PPHLN1: variants seen among roughly 807,000 people sequenced by gnomAD.
The protein encoded by PPHLN1 is periphilin 1.
PPHLN1 carries 29 observed loss-of-function variants against 51.3 expected under a neutral mutation model. The observed-to-expected ratio is 0.57, with a 90% CI of 0.42 to 0.77. The LOEUF (loss-of-function observed/expected upper bound fraction) is 0.77. PPHLN1 is among the 30% of genes least tolerant of loss of function. PPHLN1 has a pLI of 0.00. For missense variants in PPHLN1, 436 were observed against 438.4 expected (o/e 0.99, Z 0.05); for synonymous variants, 147 against 147.8 (o/e 0.99, Z 0.04).
chr12:42,446,335 T>G (rs1478659061), downstream of PPHLN1: 1 of 1,528,250 alleles, frequency 6.5e-7, no homozygotes, highest in East Asian at 2.3e-5. Flanking sequence ...TACCCGTACC[T>G]ACTATACCCT....
intron 3 of PPHLN1, among the ~76,000 whole-genome samples, chr12:42,353,864 G>T (rs1176882720): frequency 3.3e-5 from 5 of 152,068 alleles, no homozygotes; most frequent in African/African-American, 1.2e-4. Flanking sequence ...TTCAATGGCA[G>T]TTTTTTCTAA....
intron 9 of PPHLN1, among the ~76,000 whole-genome samples, chr12:42,408,130 T>C (rs1030011106): frequency 5.3e-5 from 8 of 152,224 alleles, no homozygotes; most frequent in Non-Finnish European, 1.2e-4. Context: ...TTTTCTATTT[T>C]GGGCGGGCTT....
intron 2 of PPHLN1, among the ~76,000 whole-genome samples, chr12:42,338,340 T>C (rs2070998168): frequency 1.3e-5 from 2 of 152,210 alleles, no homozygotes; most frequent in Admixed American, 1.3e-4. Context: ...ACTTTGGGAC[T>C]GGGGAAAGCA....
intron 2 of PPHLN1, among the ~76,000 whole-genome samples, chr12:42,339,894 GA>G (rs1280144553): frequency 2.6e-5 from 4 of 152,100 alleles, no homozygotes; most frequent in Non-Finnish European, 5.9e-5. Flanking sequence ...AAAGTTAGTT[GA>G]AAAAAGTAAT....
intron 1 of PPHLN1, among the ~76,000 whole-genome samples, chr12:42,327,027 G>A (rs1432810993): frequency 6.6e-6 from 1 of 152,180 alleles, no homozygotes; most frequent in African/African-American, 2.4e-5. Context: ...CTCCGTGGCC[G>A]ACAGGAGACC....
At chr12:42,373,298 G>A (rs1301845134) in intron 4 of PPHLN1, among the ~76,000 whole-genome samples, 1 of 146,610 alleles carries the variant, frequency 6.8e-6, no homozygotes, top group Non-Finnish European at 1.5e-5. Context: ...GACTAAACTA[G>A]TGCTAGAATT....
chr12:42,448,376 T>G (rs1258865976), downstream of PPHLN1: 1 of 137,134 alleles, frequency 7.3e-6, no homozygotes, highest in Non-Finnish European at 1.6e-5. Context: ...TTTTTTTTTT[T>G]GCCTCTTAAA....
chr12:42,377,051 A>G lies in PPHLN1; in HGVS notation c.511+1977A>G, dbSNP rs147590466. 8.2e-3 allele frequency among the ~76,000 whole-genome samples: 1,245 copies of G among 152,136 alleles called. 13 individuals carry two copies. Among genetic ancestry groups the G allele is most frequent in the African/African-American group, 0.028 (1,155 of 41,514 alleles). On this transcript the variant is annotated intron_variant, in intron 5 of 9. Transcript: ENST00000358314. ...CGCGTGCAGCCCAGGATGGGTTTGGATGCAACCTGACACAAGTTTGTAAAC... is the reference window on the plus strand; with the variant it reads ...CGCGTGCAGCCCAGGATGGGTTTGGGTGCAACCTGACACAAGTTTGTAAAC...
intron 9 of PPHLN1, among the ~76,000 whole-genome samples, chr12:42,407,440 C>T (rs1454724011): frequency 1.3e-5 from 2 of 152,166 alleles, no homozygotes; most frequent in Admixed American, 1.3e-4. Context: ...GAGCTAGTGA[C>T]CTAAGAGTAA....
intron 4 of PPHLN1, among the ~76,000 whole-genome samples, chr12:42,358,573 T>C (rs1388237744): frequency 6.6e-6 from 1 of 152,150 alleles, no homozygotes; most frequent in East Asian, 1.9e-4. Flanking sequence ...TTTATTTTAT[T>C]TTTTAACTAT....
chr12:42,372,291 A>ATTGACAT (rs2075877641), intron 4 of PPHLN1, among the ~76,000 whole-genome samples: 1 of 152,170 alleles, frequency 6.6e-6, no homozygotes. Flanking sequence ...ACTCTGAGCT[A>ATTGACAT]TTGACATTTG....
chr12:42,420,277 G>T (rs1181632827), intron 9 of PPHLN1, among the ~76,000 whole-genome samples: 1 of 151,232 alleles, frequency 6.6e-6, no homozygotes, highest in Non-Finnish European at 1.5e-5. Context: ...GTGTCATCTT[G>T]AATGGTACAA....
intron 3 of PPHLN1, among the ~76,000 whole-genome samples, chr12:42,352,412 ATT>A (rs199658531): frequency 3.5e-5 from 5 of 141,882 alleles, no homozygotes; most frequent in Non-Finnish European, 6.2e-5. Flanking sequence ...AACCCACTTA[ATT>A]TTTTTTTTTT....
At chr12:42,446,217 G>A (rs765797157), downstream of PPHLN1, 11 of 1,612,694 alleles carry the variant, frequency 6.8e-6, no homozygotes, top group African/African-American at 6.7e-5. Flanking sequence ...ATCCTGCTCC[G>A]AACACAGACA....
downstream of PPHLN1, chr12:42,446,824 T>G: frequency 1.9e-6 from 1 of 514,342 alleles, no homozygotes; most frequent in East Asian, 3.0e-5. Flanking sequence ...TTAATTCTCT[T>G]ACCCTGAGGC....
chr12:42,399,421 GTC>G, intron 9 of PPHLN1: 1 of 926,710 alleles, frequency 1.1e-6, no homozygotes, highest in Non-Finnish European at 1.3e-6. Context: ...TACTATTTAA[GTC>G]TAGTTTTTTA....
chr12:42,422,068 G>T (rs1374971644), intron 9 of PPHLN1, among the ~76,000 whole-genome samples: 1 of 152,130 alleles, frequency 6.6e-6, no homozygotes, highest in Non-Finnish European at 1.5e-5. Context: ...AGAAGTAAGA[G>T]TGCACAGGGT....
chr12:42,438,478 A>G (rs2082665775), intron 9 of PPHLN1, among the ~76,000 whole-genome samples: 1 of 152,190 alleles, frequency 6.6e-6, no homozygotes, highest in South Asian at 2.1e-4. Flanking sequence ...TTTCCTAATA[A>G]CAAATGATGT....
chr12:42,358,064 T>C (rs2074237586), intron 4 of PPHLN1, among the ~76,000 whole-genome samples: 1 of 152,190 alleles, frequency 6.6e-6, no homozygotes, highest in African/African-American at 2.4e-5. Context: ...GATTTCATTC[T>C]TTTTTTATGG....
Sources: allele counts gnomAD v4.1 joint callset (sites outside exome capture counted in the v4.1 genomes callset), GRCh38; gene constraint gnomAD v4.1.1; transcripts MANE v1.5; gene names NCBI Gene and HGNC (gene_info 2026-07-23, HGNC 2026-07-21).